VAV1: variants seen among roughly 807,000 people sequenced by gnomAD.
VAV1 encodes the protein proto-oncogene vav.
Under a neutral mutation model 128.1 loss-of-function variants are expected in VAV1, and 33 were observed. The observed-to-expected ratio is 0.26, with a 90% CI of 0.20 to 0.34. VAV1 has a LOEUF of 0.34. Among genes scored for constraint, VAV1 ranks in the 10% least tolerant of loss-of-function variants. The probability of loss-of-function intolerance (pLI) is 1.00; values close to 1 mark genes in which losing one functional copy is unlikely to be tolerated. For missense variants in VAV1, 715 were observed against 1,093.7 expected, an observed-to-expected ratio of 0.65 and a Z score of 4.88; for synonymous variants, 394 against 409.8, an observed-to-expected ratio of 0.96 and a Z score of 0.47.
At chr19:6,844,346 G>A (rs1044462088) in intron 22 of VAV1, among the ~76,000 whole-genome samples, 4 of 151,876 alleles carry the variant, frequency 2.6e-5, no homozygotes, top group African/African-American at 9.6e-5. Flanking sequence ...AGCCTCCCGA[G>A]CTGGGATTAC....
intron 25 of VAV1, 97 bp from the exon 26 acceptor site, chr19:6,853,850 C>G: frequency 1.3e-6 from 2 of 1,507,790 alleles, no homozygotes; most frequent in East Asian, 4.5e-5. Context: ...CTGAGGAGCC[C>G]TTTATCCTGG....
intron 25 of VAV1, 75 bp downstream of exon 25, chr19:6,853,154 G>GGAAGGGGTGTCAATGGC: frequency 7.3e-7 from 1 of 1,374,466 alleles, no homozygotes; most frequent in Non-Finnish European, 1.0e-6. Context: ...GGATGCCATT[G>GGAAGGGGTGTCAATGGC]ACACCCCTTC....
intron 6 of VAV1, among the ~76,000 whole-genome samples, chr19:6,824,206 GT>G (rs777937518): frequency 6.6e-6 from 1 of 152,100 alleles, no homozygotes; most frequent in African/African-American, 2.4e-5. Flanking sequence ...CTCCCAAAGT[GT>G]TGGGATTTTG....
At chr19:6,824,969 C>T in intron 6 of VAV1, 84 bp from the exon 7 acceptor site, 1 of 1,409,612 alleles carries the variant, frequency 7.1e-7, no homozygotes, top group South Asian at 1.2e-5. Flanking sequence ...ATCTCCCTCT[C>T]TCTGTCTCCT....
intron 24 of VAV1, among the ~76,000 whole-genome samples, chr19:6,851,256 C>T (rs1414291600): frequency 6.6e-6 from 1 of 151,892 alleles, no homozygotes; most frequent in Non-Finnish European, 1.5e-5. Context: ...TACACTGCAG[C>T]CTCAAATTCC....
intron 1 of VAV1, among the ~76,000 whole-genome samples, chr19:6,789,436 A>G (rs1357333571): frequency 6.6e-6 from 1 of 151,972 alleles, no homozygotes; most frequent in Non-Finnish European, 1.5e-5. Flanking sequence ...ATATTTTCGT[A>G]GAGATGGGGT....
Position 6,825,061 on chromosome 19 carries a change from G to A in VAV1, c.663G>A (p.Leu221=), listed in dbSNP as rs749551935. The part of the protein sequence containing the change: ...DTLGSIQQHF[L]KPLQRFLKPQ... ...CTCTCCCTTCCCCGCAGCATTTCTT[G>A]AAGCCCCTGCAACGGTTCCTGAAAC... is the stretch of plus-strand genomic sequence containing the variant. The change falls in exon 7 of 27, where the codon TTG becomes TTA. Residue 221 remains leucine (L), a synonymous_variant. Coordinates refer to ENST00000602142, the MANE Select transcript of VAV1 (RefSeq NM_005428.4). 3.7e-6 allele frequency: 6 copies of A among 1,613,620 alleles called. No individual in the cohort carries two copies. Among genetic ancestry groups the A allele is most frequent in the Non-Finnish European group, 5.1e-6 (6 of 1,180,030 alleles).
At chr19:6,850,323 G>A (rs1972640028) in intron 23 of VAV1, among the ~76,000 whole-genome samples, 1 of 140,256 alleles carries the variant, frequency 7.1e-6, no homozygotes, top group African/African-American at 2.7e-5. Context: ...CATGTTGACA[G>A]AAATGGGTCT....
In VAV1 at chr19:6,772,726, A is replaced by G; in HGVS notation, c.-82A>G. On this transcript the variant is annotated 5_prime_UTR_variant, in exon 1 of 27. Coordinates refer to ENST00000602142, the MANE Select transcript of VAV1 (RefSeq NM_005428.4). The surrounding 1 kb of genome is among the most constrained non-coding windows in gnomAD (Gnocchi z 4.8). ...AAGTGGTAGCACTAGCTGTCGCTCC[A>G]CAGGCGAGCAGGGCAGGCGTGCGGG... 1.4e-6 allele frequency: 2 copies of G among 1,461,600 alleles called. No individual in the cohort carries two copies. The highest frequency in any genetic ancestry group is 9.3e-7 in the Non-Finnish European group (1 of 1,077,606). 90.5% of individuals were successfully genotyped at this position (1,461,600 alleles called of 1,614,324 possible).
Position 6,853,933 on chromosome 19 carries a change from T to A in VAV1, c.2333-14T>A, listed in dbSNP as rs1452717488. On this transcript the variant is annotated splice_polypyrimidine_tract_variant and intron_variant, in intron 25 of 26. Transcript: ENST00000602142. ...GCCCCAGACCCTTTTCTCACTTCTG[T>A]TCTCTCTCCACAGTGGGAAGCACAA... 2 of 1,606,934 alleles carry A rather than the reference T, an allele frequency of 1.2e-6. No individual in the cohort carries two copies. Among genetic ancestry groups the A allele is most frequent in the African/African-American group, 2.7e-5 (2 of 74,886 alleles).
At chr19:6,824,978 C>A in intron 6 of VAV1, 75 bp from the exon 7 acceptor site, 1 of 1,482,518 alleles carries the variant, frequency 6.7e-7, no homozygotes, top group East Asian at 2.3e-5. Flanking sequence ...TCTCTGTCTC[C>A]TTCCCCTGTC....
chr19:6,833,700 C>T lies in VAV1; in HGVS notation c.1709-11C>T, dbSNP rs553065003. ...TTTCCCGTTCTCACCATTTCCTTTA[C>T]CCTCCCGTAGATTTCCCAGGAACTA... On this transcript the variant is annotated splice_polypyrimidine_tract_variant and intron_variant, in intron 17 of 26. Transcript: ENST00000602142. 458 of 1,614,102 alleles carry T rather than the reference C, an allele frequency of 2.8e-4. 9 individuals are homozygous for T. The South Asian group carries it at 4.7e-3, about 17-fold the overall frequency.
chr19:6,846,916 T>G (rs1972536384), intron 22 of VAV1, among the ~76,000 whole-genome samples: 1 of 148,452 alleles, frequency 6.7e-6, no homozygotes, highest in Non-Finnish European at 1.5e-5. Context: ...AGTGGCTTTT[T>G]GTTTTTTTTT....
chr19:6,816,759 C>G (rs1453010752), intron 1 of VAV1, among the ~76,000 whole-genome samples: 1 of 151,312 alleles, frequency 6.6e-6, no homozygotes, highest in East Asian at 2.0e-4. Flanking sequence ...GAGATCAGTT[C>G]AAGACCAGCC....
chr19:6,832,967 G>A (rs1004949255), intron 15 of VAV1, among the ~76,000 whole-genome samples: 2 of 152,026 alleles, frequency 1.3e-5, no homozygotes, highest in African/African-American at 4.8e-5. Flanking sequence ...CCCCGCTCTC[G>A]CAGCCCCTGG....
At position 6,836,659 on chromosome 19, in the gene VAV1, C is replaced by T. The variant is rs1972229465; in HGVS notation, c.1914+91C>T. The T allele has an allele frequency of 1.3e-5, 20 of 1,548,040 alleles. No individual in the cohort carries two copies. The South Asian group carries it at 2.3e-4, about 18-fold the overall frequency. On this transcript the variant is annotated intron_variant, in intron 20 of 26. Coordinates refer to ENST00000602142, the MANE Select transcript of VAV1 (RefSeq NM_005428.4). ...CTCAGGGAGTTGGGTCATAGTTCCA[C>T]CATGCTCTGGAGGTGATGCCTGGGG...
At position 6,826,847 on chromosome 19, in the gene VAV1, G is replaced by A. The variant is rs944794516; in HGVS notation, c.927+136G>A. The A allele has an allele frequency of 4.2e-6, 3 of 717,158 alleles. No homozygotes were observed. The African/African-American group carries it at 5.3e-5, about 13-fold the overall frequency. 44.4% of individuals were successfully genotyped at this position (717,158 alleles called of 1,614,324 possible). On this transcript the variant is annotated intron_variant, in intron 9 of 26. Transcript: ENST00000602142. The surrounding 1 kb of genome is among the most constrained non-coding windows in gnomAD (Gnocchi z 4.1). The stretch of plus-strand genomic sequence containing the variant: ...GAGATCCACCAAAGGACTAGGGAGG[G>A]AGGTACTAGCCAGCCAAGCAGAGGA...
At chr19:6,814,671 C>CCTTTCTTTCCTTCTTTCTTTCTTT (rs1971590520) in intron 1 of VAV1, among the ~76,000 whole-genome samples, 1 of 25,796 alleles carries the variant, frequency 3.9e-5, no homozygotes, top group Non-Finnish European at 7.1e-5. Flanking sequence ...TTCCTTCCTT[C>CCTTTCTTTCCTTCTTTCTTTCTTT]CTTTCTTTCT....
intron 1 of VAV1, among the ~76,000 whole-genome samples, chr19:6,798,039 G>A (rs899067212): frequency 1.3e-5 from 2 of 152,148 alleles, no homozygotes; most frequent in South Asian, 2.1e-4. Context: ...CACTTTGGGA[G>A]GCCGAGGTGG....
Sources: gnomAD v4.1 joint callset for allele counts (sites outside exome capture counted in the v4.1 genomes callset) on GRCh38, gnomAD v4.1.1 for gene constraint, Gnocchi (gnomAD v3.1) non-coding constraint, MANE v1.5 for transcripts, NCBI Gene and HGNC (gene_info 2026-07-23, HGNC 2026-07-21) for gene names.